NEGR1: variants seen among roughly 807,000 people sequenced by gnomAD.
NEGR1 encodes neuronal growth regulator 1.
NEGR1 carries 10 observed loss-of-function variants against 40.9 expected under a neutral mutation model. The ratio of observed to expected loss-of-function variants is 0.24; its 90% CI spans 0.15 to 0.42. The LOEUF is 0.42. Among genes scored for constraint, NEGR1 ranks in the 10% least tolerant of loss-of-function variants. The pLI, the probability that NEGR1 is intolerant of heterozygous loss-of-function variation, is 1.00. For synonymous variants in NEGR1, 185 were observed against 166.8 expected, an observed-to-expected ratio of 1.11 and a Z score of -0.84; for missense variants, 352 against 438.9, an observed-to-expected ratio of 0.80 and a Z score of 1.77.
chr1:71,836,109 G>T (rs1659018280), intron 2 of NEGR1, among the ~76,000 whole-genome samples: 1 of 151,964 alleles, frequency 6.6e-6, no homozygotes, highest in African/African-American at 2.4e-5. Flanking sequence ...ACTATGTACT[G>T]CATGTTATTG....
chr1:71,410,674 G>A (rs776052365), intron 6 of NEGR1, among the ~76,000 whole-genome samples: 3 of 152,050 alleles, frequency 2.0e-5, no homozygotes, highest in Non-Finnish European at 4.4e-5. Flanking sequence ...CCATTGTTGG[G>A]GGATGCCATT....
chr1:71,868,241 T>C (rs1660172776), intron 2 of NEGR1, among the ~76,000 whole-genome samples: 1 of 152,108 alleles, frequency 6.6e-6, no homozygotes, highest in Non-Finnish European at 1.5e-5. Context: ...TAACTGAAAG[T>C]AACTACAATA....
At chr1:71,633,521 G>A (rs1483603231) in intron 4 of NEGR1, among the ~76,000 whole-genome samples, 1 of 152,052 alleles carries the variant, frequency 6.6e-6, no homozygotes, top group African/African-American at 2.4e-5. Flanking sequence ...GCTGAACTAT[G>A]ACAGTTTCAA....
At position 71,400,520 on chromosome 1, in the gene NEGR1, C is replaced by T. The variant is rs954031219; in HGVS notation, c.*6926G>A. ...TTATTTTTTCAACAAGGTGGATTCT[C>T]GAAGCAAGGTAGTTCTTGTGACTGT... On this transcript the variant is annotated 3_prime_UTR_variant, in exon 7 of 7. Transcript: ENST00000357731. 5 of 151,800 alleles carry T rather than the reference C, an allele frequency of 3.3e-5. No homozygotes were observed. The highest frequency in any genetic ancestry group is 6.6e-5 in the Admixed American group (1 of 15,242). The allele number at this position is 151,800 out of a possible 1,614,324, so 9.4% of individuals were successfully genotyped here.
At chr1:71,873,286 A>G (rs915890841) in intron 2 of NEGR1, among the ~76,000 whole-genome samples, 10 of 151,986 alleles carry the variant, frequency 6.6e-5, no homozygotes, top group African/African-American at 2.4e-4. Flanking sequence ...TAAATATATA[A>G]AGTCCATGAA....
At chr1:71,700,028 CA>C (rs1291666808) in intron 3 of NEGR1, among the ~76,000 whole-genome samples, 1 of 151,966 alleles carries the variant, frequency 6.6e-6, no homozygotes, top group Admixed American at 6.6e-5. Context: ...TCTTTATCAG[CA>C]GTGCGAAAGC....
chr1:71,988,472 G>A (rs192232657), intron 1 of NEGR1, among the ~76,000 whole-genome samples: 169 of 145,396 alleles, frequency 1.2e-3, no homozygotes, highest in African/African-American at 4.0e-3. Context: ...CCGGGAAGCG[G>A]AGCTTGCAGT....
At chr1:72,275,875 T>C (rs553466478) in intron 1 of NEGR1, among the ~76,000 whole-genome samples, 4 of 152,194 alleles carry the variant, frequency 2.6e-5, no homozygotes, top group South Asian at 2.1e-4. Flanking sequence ...GGCATAAGGA[T>C]GGCTTGAGGC....
intron 2 of NEGR1, among the ~76,000 whole-genome samples, chr1:71,883,215 A>G (rs1660628495): frequency 6.6e-6 from 1 of 152,110 alleles, no homozygotes; most frequent in Non-Finnish European, 1.5e-5. Flanking sequence ...TTCCTCTATT[A>G]CATTCCATTC....
chr1:71,954,619 G>C (rs1202896744), intron 1 of NEGR1, among the ~76,000 whole-genome samples: 3 of 151,938 alleles, frequency 2.0e-5, no homozygotes, highest in African/African-American at 7.2e-5. Context: ...ATTCAAATAT[G>C]TTATAAACTC....
chr1:71,622,202 T>C (rs1048645116), intron 4 of NEGR1, among the ~76,000 whole-genome samples: 2 of 151,912 alleles, frequency 1.3e-5, no homozygotes, highest in African/African-American at 4.8e-5. Context: ...ACTTTCTTTC[T>C]TTCAACTTGT....
chr1:71,440,219 T>A (rs181394009), intron 6 of NEGR1, among the ~76,000 whole-genome samples: 1 of 152,180 alleles, frequency 6.6e-6, no homozygotes, highest in African/African-American at 2.4e-5. Context: ...ATTTTGTTAG[T>A]GATGAACACT....
intron 1 of NEGR1, among the ~76,000 whole-genome samples, chr1:72,029,637 T>C (rs945224629): frequency 2.0e-5 from 3 of 152,214 alleles, no homozygotes; most frequent in Non-Finnish European, 4.4e-5. Flanking sequence ...ATGTGCTGAA[T>C]TGAAGAATTA....
intron 6 of NEGR1, among the ~76,000 whole-genome samples, chr1:71,410,351 C>A (rs891667357): frequency 6.6e-6 from 1 of 152,050 alleles, no homozygotes; most frequent in African/African-American, 2.4e-5. Flanking sequence ...TGTCACCAGT[C>A]GTACTCTTTA....
chr1:71,651,441 T>G (rs1286767783), intron 4 of NEGR1, among the ~76,000 whole-genome samples: 1 of 152,208 alleles, frequency 6.6e-6, no homozygotes, highest in African/African-American at 2.4e-5. Context: ...GAGTAAGAAA[T>G]GCAGAGTCTA....
At chr1:71,786,894 T>C (rs1262799908) in intron 2 of NEGR1, among the ~76,000 whole-genome samples, 1 of 152,226 alleles carries the variant, frequency 6.6e-6, no homozygotes, top group Non-Finnish European at 1.5e-5. Context: ...TTGTTTCCGG[T>C]ACTGTTCTCT....
intron 1 of NEGR1, among the ~76,000 whole-genome samples, chr1:72,185,236 A>C (rs967431539): frequency 1.3e-5 from 2 of 151,910 alleles, no homozygotes; most frequent in East Asian, 3.9e-4. Flanking sequence ...TGCAATTATT[A>C]AAGAAGAGAC....
intron 6 of NEGR1, among the ~76,000 whole-genome samples, chr1:71,515,751 A>C (rs1398745432): frequency 1.4e-5 from 2 of 138,506 alleles, no homozygotes; most frequent in Non-Finnish European, 3.1e-5. Context: ...AAGTGGACTA[A>C]ATGCTCCAAT....
chr1:71,739,988 C>T (rs573797302), intron 3 of NEGR1, among the ~76,000 whole-genome samples: 1 of 152,296 alleles, frequency 6.6e-6, no homozygotes, highest in East Asian at 1.9e-4. Flanking sequence ...AGACATTCTT[C>T]TCTTCCACAG....
Sources: allele counts gnomAD v4.1 joint callset (sites outside exome capture counted in the v4.1 genomes callset), GRCh38; gene constraint gnomAD v4.1.1; transcripts MANE v1.5; gene names NCBI Gene and HGNC (gene_info 2026-07-23, HGNC 2026-07-21).